SCFD2: variants seen among roughly 807,000 people sequenced by gnomAD.
SCFD2 encodes sec1 family domain containing 2.
SCFD2 carries 54 observed loss-of-function variants against 58.9 expected under a neutral mutation model. That is an observed-to-expected ratio of 0.92 (90% CI 0.74 to 1.15). The LOEUF (loss-of-function observed/expected upper bound fraction) is 1.15. Among genes scored for constraint, SCFD2 ranks in the 50% most tolerant of loss-of-function variants. The pLI, the probability that SCFD2 is intolerant of heterozygous loss-of-function variation, is 0.00. For missense variants in SCFD2, 805 were observed against 836.6 expected (o/e 0.96, Z 0.47); for synonymous variants, 321 against 335.9 (o/e 0.96, Z 0.49).
chr4:53,032,338 C>T (rs1293901952), intron 5 of SCFD2, among the ~76,000 whole-genome samples: 2 of 152,084 alleles, frequency 1.3e-5, no homozygotes, highest in African/African-American at 2.4e-5. Flanking sequence ...CAAAAACATA[C>T]CAAATTGTAA....
At chr4:53,294,608 A>T (rs1308372052) in intron 3 of SCFD2, among the ~76,000 whole-genome samples, 2 of 152,148 alleles carry the variant, frequency 1.3e-5, no homozygotes, top group Non-Finnish European at 2.9e-5. Context: ...CTCTGATGAT[A>T]GTTTTTCTTT....
chr4:53,352,520 C>A, intron 2 of SCFD2, 78 bp downstream of exon 2: 1 of 1,165,626 alleles, frequency 8.6e-7, no homozygotes, highest in South Asian at 2.0e-5. Context: ...TGCTTTTTTC[C>A]TATGGGAATA....
chr4:52,892,262 A>C (rs1718895077), intron 7 of SCFD2, among the ~76,000 whole-genome samples: 1 of 152,086 alleles, frequency 6.6e-6, no homozygotes, highest in Non-Finnish European at 1.5e-5. Flanking sequence ...AATCCACCAG[A>C]CTTCATCCCT....
chr4:53,121,131 C>T (rs1301481255), intron 5 of SCFD2, among the ~76,000 whole-genome samples: 1 of 152,170 alleles, frequency 6.6e-6, no homozygotes, highest in Non-Finnish European at 1.5e-5. Context: ...TGAACTATTT[C>T]CAATTTGATC....
intron 5 of SCFD2, among the ~76,000 whole-genome samples, chr4:53,084,224 C>T (rs1238341292): frequency 2.0e-5 from 3 of 152,130 alleles, no homozygotes; most frequent in Non-Finnish European, 4.4e-5. Context: ...CCTCCAGGAA[C>T]GCATTCCTTT....
intron 7 of SCFD2, among the ~76,000 whole-genome samples, chr4:52,894,237 A>C (rs1273583617): frequency 1.3e-5 from 2 of 152,248 alleles, no homozygotes; most frequent in African/African-American, 2.4e-5. Flanking sequence ...GAACAAAAAA[A>C]GAACTTCTTA....
At chr4:52,959,903 C>CAG (rs1311958032) in intron 5 of SCFD2, among the ~76,000 whole-genome samples, 1 of 151,666 alleles carries the variant, frequency 6.6e-6, no homozygotes, top group Non-Finnish European at 1.5e-5. Context: ...TTGAAACACA[C>CAG]ACACACACAC....
At chr4:53,097,823 G>C (rs1724703284) in intron 5 of SCFD2, among the ~76,000 whole-genome samples, 2 of 152,280 alleles carry the variant, frequency 1.3e-5, no homozygotes, top group African/African-American at 2.4e-5. Context: ...TCCAGTTTTT[G>C]TCCATTCAGT....
intron 4 of SCFD2, among the ~76,000 whole-genome samples, chr4:53,255,378 T>C (rs1488764541): frequency 6.6e-6 from 1 of 152,104 alleles, no homozygotes; most frequent in African/African-American, 2.4e-5. Context: ...AGTGTTTGTG[T>C]CCCTGGGTAC....
chr4:53,148,006 G>A (rs921436387), intron 4 of SCFD2, among the ~76,000 whole-genome samples: 1 of 152,148 alleles, frequency 6.6e-6, no homozygotes, highest in Non-Finnish European at 1.5e-5. Context: ...GGTCATGAAG[G>A]CTGCAGCTTT....
intron 5 of SCFD2, among the ~76,000 whole-genome samples, chr4:53,133,039 C>G (rs529467366): frequency 5.9e-5 from 9 of 152,178 alleles, no homozygotes; most frequent in Non-Finnish European, 8.8e-5. Context: ...TTACAATTCT[C>G]TGTTTGAGGC....
At chr4:53,328,649 A>C (rs1270616007) in intron 2 of SCFD2, among the ~76,000 whole-genome samples, 1 of 152,246 alleles carries the variant, frequency 6.6e-6, no homozygotes, top group Admixed American at 6.5e-5. Context: ...AGAAAATATC[A>C]ATTAAGAAAT....
At chr4:53,007,305 G>GGAGAGAGAGAGAGAGAGA (rs147645284) in intron 5 of SCFD2, among the ~76,000 whole-genome samples, 889 of 65,982 alleles carry the variant, frequency 0.013, 33 homozygotes, top group East Asian at 0.018. Context: ...AGAGGGAGAG[G>GGAGAGAGAGAGAGAGAGA]GAGAGAGAGA....
chr4:53,299,548 C>T (rs1268429136), intron 3 of SCFD2, among the ~76,000 whole-genome samples: 1 of 151,946 alleles, frequency 6.6e-6, no homozygotes, highest in East Asian at 1.9e-4. Flanking sequence ...GGAGAACTTC[C>T]CCAATCTAGC....
At chr4:53,179,899 AAAG>A (rs1355070690) in intron 4 of SCFD2, among the ~76,000 whole-genome samples, 4 of 152,236 alleles carry the variant, frequency 2.6e-5, no homozygotes, top group African/African-American at 9.6e-5. Context: ...CAAAAGAGAC[AAAG>A]AAGGCCATTA....
intron 5 of SCFD2, among the ~76,000 whole-genome samples, chr4:53,115,001 G>A (rs908162025): frequency 5.9e-5 from 9 of 152,070 alleles, no homozygotes; most frequent in East Asian, 3.9e-4. Flanking sequence ...AGGCAAACAC[G>A]ATGTTTTTAA....
intron 8 of SCFD2, among the ~76,000 whole-genome samples, chr4:52,879,492 A>G (rs1172415337): frequency 6.6e-6 from 1 of 152,206 alleles, no homozygotes; most frequent in Admixed American, 6.5e-5. Context: ...ACCAACAGCA[A>G]GCCTCTGTGT....
intron 2 of SCFD2, among the ~76,000 whole-genome samples, chr4:53,347,872 C>T (rs373955752): frequency 1.3e-5 from 2 of 152,222 alleles, no homozygotes; most frequent in African/African-American, 4.8e-5. Flanking sequence ...GAACCAGCAA[C>T]ACTGCAGGTG....
At position 53,352,560 on chromosome 4, in the gene SCFD2, A is replaced by C. The variant is rs769782264; in HGVS notation, c.1007+38T>G. On this transcript the variant is annotated intron_variant, in intron 2 of 8. Coordinates refer to ENST00000401642, the MANE Select transcript of SCFD2 (RefSeq NM_152540.4). Reference sequence around the variant, plus strand: ...GTCTAGGAGAAAAAGAAAGGGGAAGACAGAGAAAGATAAGATGACAAAAAC... The same window carrying C: ...GTCTAGGAGAAAAAGAAAGGGGAAGCCAGAGAAAGATAAGATGACAAAAAC... The C allele has an allele frequency of 2.0e-6, 3 of 1,528,178 alleles. No homozygotes were observed. The South Asian group carries it at 3.6e-5, about 18-fold the overall frequency. The allele number at this position is 1,528,178 out of a possible 1,614,324, so 94.7% of individuals were successfully genotyped here.
Sources: allele counts gnomAD v4.1 joint callset (sites outside exome capture counted in the v4.1 genomes callset), GRCh38; gene constraint gnomAD v4.1.1; transcripts MANE v1.5; gene names NCBI Gene and HGNC (gene_info 2026-07-23, HGNC 2026-07-21).